SLC4A10: variants seen among roughly 807,000 people sequenced by gnomAD.
SLC4A10 encodes the protein solute carrier family 4 member 10, also known as sodium-driven chloride bicarbonate exchanger.
SLC4A10 carries 42 observed loss-of-function variants against 137.7 expected under a neutral mutation model. The observed-to-expected ratio is 0.30, with a 90% confidence interval of 0.24 to 0.39. The LOEUF (loss-of-function observed/expected upper bound fraction) is 0.39. Ranked by LOEUF, SLC4A10 falls within the 10% of genes least tolerant of loss-of-function variation. The probability of loss-of-function intolerance (pLI) is 1.00; values close to 1 mark genes in which losing one functional copy is unlikely to be tolerated. For missense variants in SLC4A10, 925 were observed against 1,355.0 expected (o/e 0.68, Z 4.98); for synonymous variants, 474 against 464.1 (o/e 1.02, Z -0.27).
intron 1 of SLC4A10, among the ~76,000 whole-genome samples, chr2:161,723,438 G>C (rs1037744688): frequency 6.6e-6 from 1 of 152,132 alleles, no homozygotes; most frequent in Non-Finnish European, 1.5e-5. Flanking sequence ...ACTTGTTTTT[G>C]TTCTCTGTGA....
At chr2:161,626,389 C>A (rs2032369778) in intron 1 of SLC4A10, among the ~76,000 whole-genome samples, 2 of 152,108 alleles carry the variant, frequency 1.3e-5, no homozygotes, top group African/African-American at 2.4e-5. Flanking sequence ...AAATACAAGT[C>A]TTTCCTGAAA....
chr2:161,879,300 A>G lies in SLC4A10; in HGVS notation c.1106+12A>G. On this transcript the variant is annotated intron_variant, in intron 9 of 26. Coordinates refer to ENST00000446997, the MANE Select transcript of SLC4A10 (RefSeq NM_001178015.2). ...CCAATCCCAACCAGGTAAAAAGTAT[A>G]AAAGCGTCTTTTGTATTTTTCTTAA... is the stretch of plus-strand genomic sequence containing the variant. 1.3e-6 allele frequency: 2 copies of G among 1,593,760 alleles called. No individual in the cohort carries two copies. The highest frequency in any genetic ancestry group is 1.1e-5 in the South Asian group (1 of 87,108).
At chr2:161,933,112 CTCTT>C (rs953428486) in intron 15 of SLC4A10, among the ~76,000 whole-genome samples, 3 of 143,398 alleles carry the variant, frequency 2.1e-5, no homozygotes, top group East Asian at 2.1e-4. Context: ...ATCTTTCTTT[CTCTT>C]TCTTTCCTGC....
chr2:161,699,050 C>G lies in SLC4A10; in HGVS notation c.49-71923C>G, dbSNP rs557344411. ...TATTATTTTATTTGAGATGGAGTCT[C>G]GCTCTGTCGCCCAGGCTGGAGTGCA... On this transcript the variant is annotated intron_variant, in intron 1 of 26. Transcript: ENST00000446997. Among the ~76,000 whole-genome samples, 7 of 152,180 alleles carry G rather than the reference C, an allele frequency of 4.6e-5. No individual in the cohort carries two copies. The East Asian group carries it at 1.4e-3, about 29-fold the overall frequency.
At chr2:161,974,524 G>A (rs1336201736) in intron 24 of SLC4A10, among the ~76,000 whole-genome samples, 1 of 152,174 alleles carries the variant, frequency 6.6e-6, no homozygotes, top group Non-Finnish European at 1.5e-5. Flanking sequence ...TAAATGAAGT[G>A]AAGCAGGAAG....
chr2:161,937,807 C>A (rs13404523), intron 15 of SLC4A10, among the ~76,000 whole-genome samples: 2,590 of 152,252 alleles, frequency 0.017, 79 homozygotes, highest in African/African-American at 0.059. Flanking sequence ...TTACTGCAAT[C>A]TAGGTTCCCC....
At chr2:161,738,702 G>A (rs1056302792) in intron 1 of SLC4A10, among the ~76,000 whole-genome samples, 8 of 152,110 alleles carry the variant, frequency 5.3e-5, no homozygotes, top group South Asian at 2.1e-4. Flanking sequence ...TTCCTTACTC[G>A]TTTAGTCATT....
In SLC4A10 at chr2:161,853,852, A is replaced by T. The variant is rs183526801; in HGVS notation, c.417-1118A>T. On this transcript the variant is annotated intron_variant, in intron 4 of 26. Transcript: ENST00000446997. ...TTCTTTTTGCTTCCTAAACACTAAA[A>T]ACAGATCCATAGCTTTCCTGATCTC... 1.5e-3 allele frequency among the ~76,000 whole-genome samples: 232 copies of T among 152,178 alleles called. 1 individual carries two copies. Among genetic ancestry groups the T allele is most frequent in the Admixed American group, 0.012 (185 of 15,248 alleles).
intron 1 of SLC4A10, among the ~76,000 whole-genome samples, chr2:161,725,188 A>C (rs2046088908): frequency 6.6e-6 from 1 of 152,148 alleles, no homozygotes; most frequent in Non-Finnish European, 1.5e-5. Flanking sequence ...TTTAAAGTGA[A>C]ATTGAGGAAT....
chr2:161,883,569 T>C (rs1308555629), intron 10 of SLC4A10, among the ~76,000 whole-genome samples: 3 of 152,106 alleles, frequency 2.0e-5, no homozygotes. Flanking sequence ...CTACTACAAA[T>C]TGGGTGGTTT....
At chr2:161,844,569 A>C (rs1394649206) in intron 4 of SLC4A10, among the ~76,000 whole-genome samples, 3 of 152,060 alleles carry the variant, frequency 2.0e-5, no homozygotes, top group Non-Finnish European at 4.4e-5. Context: ...CTCCTTTTGG[A>C]TGATAGACTT....
At chr2:161,696,604 T>C (rs1385960812) in intron 1 of SLC4A10, among the ~76,000 whole-genome samples, 2 of 150,410 alleles carry the variant, frequency 1.3e-5, no homozygotes, top group African/African-American at 4.9e-5. Flanking sequence ...TGATTTCCAA[T>C]TTCATCCATG....
intron 1 of SLC4A10, among the ~76,000 whole-genome samples, chr2:161,628,400 A>G (rs1475067339): frequency 3.3e-5 from 5 of 152,062 alleles, no homozygotes; most frequent in African/African-American, 9.7e-5. Context: ...ATTTGATGAT[A>G]TAGGATAGAT....
intron 4 of SLC4A10, among the ~76,000 whole-genome samples, chr2:161,852,903 C>T (rs1445470274): frequency 6.6e-6 from 1 of 152,076 alleles, no homozygotes; most frequent in Non-Finnish European, 1.5e-5. Context: ...AAAAGACTTT[C>T]CTTTTATTAC....
chr2:161,721,081 G>A (rs190239483), intron 1 of SLC4A10, among the ~76,000 whole-genome samples: 10 of 152,174 alleles, frequency 6.6e-5, no homozygotes, highest in Middle Eastern at 3.4e-3. Context: ...CACCCACCTC[G>A]GCCTCCCAAA....
intron 15 of SLC4A10, among the ~76,000 whole-genome samples, chr2:161,934,546 A>C (rs1691224441): frequency 1.3e-5 from 2 of 151,938 alleles, no homozygotes; most frequent in African/African-American, 2.4e-5. Context: ...TATGTACCAC[A>C]TTTTCCTTAT....
intron 5 of SLC4A10, among the ~76,000 whole-genome samples, chr2:161,857,267 A>G (rs928009072): frequency 6.6e-6 from 1 of 152,188 alleles, no homozygotes; most frequent in Non-Finnish European, 1.5e-5. Context: ...GTCTACCCTT[A>G]CAGTGAAAGT....
At chr2:161,856,616 A>G (rs1197585909) in intron 5 of SLC4A10, among the ~76,000 whole-genome samples, 1 of 152,176 alleles carries the variant, frequency 6.6e-6, no homozygotes, top group African/African-American at 2.4e-5. Context: ...CTCCCTAAGA[A>G]TGCTGAAATA....
At chr2:161,666,906 T>C (rs2039111273) in intron 1 of SLC4A10, among the ~76,000 whole-genome samples, 2 of 151,716 alleles carry the variant, frequency 1.3e-5, no homozygotes, top group Admixed American at 1.3e-4. Flanking sequence ...ATTCTATTAA[T>C]AGGCTTGGTT....
Sources: allele counts gnomAD v4.1 joint callset (sites outside exome capture counted in the v4.1 genomes callset), GRCh38; gene constraint gnomAD v4.1.1; transcripts MANE v1.5; gene names NCBI Gene and HGNC (gene_info 2026-07-23, HGNC 2026-07-21).